GIPC2: variants seen among roughly 807,000 people sequenced by gnomAD.
The protein encoded by GIPC2 is GIPC PDZ domain containing family member 2, also known as PDZ domain-containing protein GIPC2.
Under a neutral mutation model 30.6 loss-of-function variants are expected in GIPC2, and 30 were observed. That is an observed-to-expected ratio of 0.98 (90% CI 0.73 to 1.33). The LOEUF is 1.33. Among genes scored for constraint, GIPC2 ranks in the 40% most tolerant of loss-of-function variants. The pLI is 0.00. For missense variants in GIPC2, 414 were observed against 390.3 expected, an observed-to-expected ratio of 1.06 and a Z score of -0.51; for synonymous variants, 167 against 150.0, an observed-to-expected ratio of 1.11 and a Z score of -0.83.
intron 1 of GIPC2, among the ~76,000 whole-genome samples, chr1:78,061,927 C>A (rs1661402358): frequency 6.6e-6 from 1 of 152,154 alleles, no homozygotes; most frequent in Non-Finnish European, 1.5e-5. Flanking sequence ...TGAATGTTTG[C>A]TTTTTAGAAA....
At position 78,054,483 on chromosome 1, in the gene GIPC2, C is replaced by T. The variant is rs938714954; in HGVS notation, c.240+8149C>T. Among the ~76,000 whole-genome samples the T allele has an allele frequency of 5.9e-5, 9 of 152,134 alleles. No individual in the cohort carries two copies. The South Asian group carries it at 6.2e-4, about 11-fold the overall frequency. On this transcript the variant is annotated intron_variant, in intron 1 of 5. Transcript: ENST00000370759. ...CAATGAGAATAACTCAGATCTTTTT[C>T]GGAAGAAGCAAGGATCCCTGACACA...
At chr1:78,066,814 T>C (rs1276626247) in intron 1 of GIPC2, among the ~76,000 whole-genome samples, 1 of 152,122 alleles carries the variant, frequency 6.6e-6, no homozygotes, top group Non-Finnish European at 1.5e-5. Context: ...TTAGCACTTA[T>C]AAGTGGAAGT....
chr1:78,046,693 G>C (rs539199310), intron 1 of GIPC2, among the ~76,000 whole-genome samples: 17 of 152,260 alleles, frequency 1.1e-4, no homozygotes, highest in Middle Eastern at 3.4e-3. Flanking sequence ...TGGCGGGGCA[G>C]ATTAATACCC....
intron 1 of GIPC2, among the ~76,000 whole-genome samples, chr1:78,078,847 A>AC (rs1001340519): frequency 1.3e-5 from 2 of 151,570 alleles, no homozygotes; most frequent in Middle Eastern, 6.8e-3. Context: ...GGAAAAAAAA[A>AC]AAAAAAAAAC....
chr1:78,106,841 T>G (rs1662362777), intron 3 of GIPC2, among the ~76,000 whole-genome samples: 1 of 151,038 alleles, frequency 6.6e-6, no homozygotes, highest in Admixed American at 6.6e-5. Flanking sequence ...CCACCATGAC[T>G]AATTTTGTAT....
chr1:78,125,457 T>C (rs1046849532), intron 4 of GIPC2, among the ~76,000 whole-genome samples: 3 of 152,224 alleles, frequency 2.0e-5, no homozygotes, highest in Non-Finnish European at 2.9e-5. Context: ...TCCAAAGTGC[T>C]GGGATTACAG....
chr1:78,048,188 G>C (rs1661130559), intron 1 of GIPC2, among the ~76,000 whole-genome samples: 1 of 152,108 alleles, frequency 6.6e-6, no homozygotes, highest in African/African-American at 2.4e-5. Flanking sequence ...GTAAGTAGAG[G>C]AGCATGTGTA....
chr1:78,109,089 A>G (rs976829001), intron 3 of GIPC2, among the ~76,000 whole-genome samples: 1 of 152,206 alleles, frequency 6.6e-6, no homozygotes, highest in East Asian at 1.9e-4. Flanking sequence ...TATTAAGGTT[A>G]GCTCCACACT....
intron 4 of GIPC2, among the ~76,000 whole-genome samples, chr1:78,123,897 C>G (rs1662732845): frequency 6.6e-6 from 1 of 152,060 alleles, no homozygotes; most frequent in African/African-American, 2.4e-5. Flanking sequence ...AAGGCAAGAG[C>G]AATATATTGT....
At chr1:78,078,203 A>AAC (rs1661755009) in intron 1 of GIPC2, among the ~76,000 whole-genome samples, 1 of 151,388 alleles carries the variant, frequency 6.6e-6, no homozygotes, top group Non-Finnish European at 1.5e-5. Flanking sequence ...AAAAAAAAAA[A>AAC]AAAAAAACCT....
At position 78,119,522 on chromosome 1, in the gene GIPC2, C is replaced by T. The variant is rs776488195; in HGVS notation, c.714+23C>T. 3 of 1,378,076 alleles carry T rather than the reference C, an allele frequency of 2.2e-6. No individual in the cohort carries two copies. The South Asian group carries it at 3.6e-5, about 16-fold the overall frequency. The allele number at this position is 1,378,076 out of a possible 1,614,324, so 85.4% of individuals were successfully genotyped here. On this transcript the variant is annotated intron_variant, in intron 4 of 5. Coordinates refer to ENST00000370759, the MANE Select transcript of GIPC2 (RefSeq NM_017655.6). ...ATGGTATGTTATGTTCATTTACTTC[C>T]TGTTCTGCTTGGAAATGTTGAGTTA...
chr1:78,121,518 A>T (rs979898355), intron 4 of GIPC2, among the ~76,000 whole-genome samples: 2 of 152,102 alleles, frequency 1.3e-5, no homozygotes, highest in Admixed American at 1.3e-4. Context: ...ACACTTAAGG[A>T]ACACATGAGG....
chr1:78,060,094 T>C (rs1412696307), intron 1 of GIPC2, among the ~76,000 whole-genome samples: 1 of 152,218 alleles, frequency 6.6e-6, no homozygotes, highest in Non-Finnish European at 1.5e-5. Context: ...AATTCTTTTA[T>C]AGTTGTTTCA....
At chr1:78,102,626 A>G (rs1425544246) in intron 3 of GIPC2, among the ~76,000 whole-genome samples, 1 of 152,206 alleles carries the variant, frequency 6.6e-6, no homozygotes, top group East Asian at 1.9e-4. Context: ...GACATTGGGT[A>G]AGTTATTTAA....
At position 78,046,044 on chromosome 1, in the gene GIPC2, A is replaced by C; in HGVS notation, c.-51A>C. ...GCGCAAAGTCCGAGGCGCCGGGGGG[A>C]GGAGGCGGCGGACGGCAGCGCAGGT... On this transcript the variant is annotated 5_prime_UTR_variant, in exon 1 of 6. Transcript: ENST00000370759. The C allele has an allele frequency of 1.4e-6, 2 of 1,395,248 alleles. No homozygotes were observed. Among genetic ancestry groups the C allele is most frequent in the Non-Finnish European group, 9.3e-7 (1 of 1,076,782 alleles). The allele number at this position is 1,395,248 out of a possible 1,614,324, so 86.4% of individuals were successfully genotyped here.
chr1:78,073,000 G>A (rs1228048841), intron 1 of GIPC2, among the ~76,000 whole-genome samples: 2 of 151,272 alleles, frequency 1.3e-5, no homozygotes, highest in Non-Finnish European at 2.9e-5. Context: ...TAGTAGAGAC[G>A]GGGTTTCACT....
At chr1:78,085,529 G>A (rs1179676645) in intron 2 of GIPC2, among the ~76,000 whole-genome samples, 2 of 150,092 alleles carry the variant, frequency 1.3e-5, no homozygotes, top group Non-Finnish European at 3.0e-5. Flanking sequence ...ATAGAATTCA[G>A]TTGTGAATCC....
chr1:78,049,427 C>G (rs946871786), intron 1 of GIPC2, among the ~76,000 whole-genome samples: 2 of 152,070 alleles, frequency 1.3e-5, no homozygotes, highest in Non-Finnish European at 2.9e-5. Flanking sequence ...TCCCAAAGTG[C>G]GTGAACCACC....
intron 1 of GIPC2, among the ~76,000 whole-genome samples, chr1:78,075,568 G>A (rs1261211304): frequency 6.6e-6 from 1 of 152,204 alleles, no homozygotes; most frequent in Non-Finnish European, 1.5e-5. Context: ...TGGCATTGGT[G>A]TCTTTCTCAG....
Sources: gnomAD v4.1 joint callset for allele counts (sites outside exome capture counted in the v4.1 genomes callset) on GRCh38, gnomAD v4.1.1 for gene constraint, MANE v1.5 for transcripts, NCBI Gene and HGNC (gene_info 2026-07-23, HGNC 2026-07-21) for gene names.